Variants in DLGAP1 observed in about 807,000 individuals in gnomAD.
DLGAP1 encodes DLG associated protein 1.
Under a neutral mutation model 90.8 loss-of-function variants are expected in DLGAP1, and 11 were observed. The ratio of observed to expected loss-of-function variants is 0.12; its 90% CI spans 0.08 to 0.20. The LOEUF (loss-of-function observed/expected upper bound fraction) is 0.20, where lower values mean the gene tolerates loss of function less well. Ranked by LOEUF, DLGAP1 falls within the 10% of genes least tolerant of loss-of-function variation. The pLI is 1.00. For synonymous variants in DLGAP1, 558 were observed against 540.7 expected (o/e 1.03, Z -0.44); for missense variants, 1,050 against 1,333.8 (o/e 0.79, Z 3.31).
chr18:4,098,658 A>G (rs1467429274), intron 2 of DLGAP1, among the ~76,000 whole-genome samples: 2 of 152,226 alleles, frequency 1.3e-5, no homozygotes, highest in Non-Finnish European at 2.9e-5. Context: ...AAATATGGAA[A>G]AAAGGAGGAA....
chr18:4,119,859 C>T (rs965294916), intron 2 of DLGAP1, among the ~76,000 whole-genome samples: 1 of 152,044 alleles, frequency 6.6e-6, no homozygotes, highest in African/African-American at 2.4e-5. Flanking sequence ...AATGAGACAT[C>T]ATTTGGATAC....
chr18:3,576,373 C>T (rs1438719895), intron 8 of DLGAP1, among the ~76,000 whole-genome samples: 1 of 151,038 alleles, frequency 6.6e-6, no homozygotes, highest in African/African-American at 2.4e-5. Flanking sequence ...AATTCTCTGT[C>T]TCAGCCTCCC....
At chr18:4,104,703 C>G (rs1383163317) in intron 2 of DLGAP1, among the ~76,000 whole-genome samples, 1 of 152,148 alleles carries the variant, frequency 6.6e-6, no homozygotes, top group Non-Finnish European at 1.5e-5. Flanking sequence ...GTATACATCT[C>G]TTCTCTGTCT....
chr18:3,925,553 A>G (rs2072363704), intron 3 of DLGAP1, among the ~76,000 whole-genome samples: 1 of 152,174 alleles, frequency 6.6e-6, no homozygotes, highest in African/African-American at 2.4e-5. Flanking sequence ...GAAAATGTGT[A>G]TAAAAAAATT....
chr18:3,584,546 A>G (rs1194607258), intron 7 of DLGAP1, among the ~76,000 whole-genome samples: 1 of 152,152 alleles, frequency 6.6e-6, no homozygotes, highest in East Asian at 1.9e-4. Flanking sequence ...TGGAGACAAT[A>G]ATGTTTGGCT....
chr18:4,277,862 G>T (rs945818397), intron 1 of DLGAP1, among the ~76,000 whole-genome samples: 1 of 152,008 alleles, frequency 6.6e-6, no homozygotes, highest in Non-Finnish European at 1.5e-5. Context: ...TATTCTTCAT[G>T]GAATTTCAGC....
At chr18:3,889,246 C>T (rs957715589) in intron 3 of DLGAP1, among the ~76,000 whole-genome samples, 1 of 152,068 alleles carries the variant, frequency 6.6e-6, no homozygotes, top group African/African-American at 2.4e-5. Context: ...AAAACAATGA[C>T]AATCAAAACA....
At chr18:3,981,603 A>G (rs981895158) in intron 3 of DLGAP1, among the ~76,000 whole-genome samples, 1 of 152,220 alleles carries the variant, frequency 6.6e-6, no homozygotes, top group Admixed American at 6.5e-5. Flanking sequence ...AACTAAGAAC[A>G]GGGCACTGGG....
intron 2 of DLGAP1, among the ~76,000 whole-genome samples, chr18:4,055,772 C>T (rs1185450408): frequency 2.0e-5 from 3 of 152,036 alleles, no homozygotes; most frequent in Admixed American, 6.6e-5. Flanking sequence ...TGTGGGCCAC[C>T]CCCATGTCCC....
chr18:3,779,929 C>T (rs991890671), intron 5 of DLGAP1, among the ~76,000 whole-genome samples: 9 of 151,710 alleles, frequency 5.9e-5, no homozygotes, highest in Admixed American at 3.3e-4. Context: ...AGCTGGGAGG[C>T]GCACGCCACC....
chr18:3,567,379 C>T, intron 9 of DLGAP1, 111 bp downstream of exon 9: 2 of 943,894 alleles, frequency 2.1e-6, no homozygotes, highest in Non-Finnish European at 3.3e-6. Context: ...TAAATACTCC[C>T]AAAACTTAGA....
At chr18:3,685,851 T>C (rs1265581998) in intron 7 of DLGAP1, among the ~76,000 whole-genome samples, 1 of 152,150 alleles carries the variant, frequency 6.6e-6, no homozygotes, top group Non-Finnish European at 1.5e-5. Context: ...CGTGCCATCA[T>C]ATAATGATAC....
chr18:4,267,739 G>T (rs747157627), intron 1 of DLGAP1, among the ~76,000 whole-genome samples: 4 of 152,158 alleles, frequency 2.6e-5, no homozygotes, highest in Admixed American at 6.5e-5. Context: ...AGCTGGGGCT[G>T]CAGTCATCTG....
chr18:3,764,387 G>A (rs771963407), intron 5 of DLGAP1, among the ~76,000 whole-genome samples: 18 of 152,248 alleles, frequency 1.2e-4, no homozygotes, highest in South Asian at 4.1e-4. Context: ...GGCTCAGTCC[G>A]TTAACCAAAA....
chr18:4,118,408 C>A (rs7237768), intron 2 of DLGAP1, among the ~76,000 whole-genome samples: 13 of 152,052 alleles, frequency 8.5e-5, no homozygotes, highest in Non-Finnish European at 1.6e-4. Context: ...CTTGCCTTTC[C>A]TTGTATGGAG....
At chr18:3,820,265 A>G (rs2067335915) in intron 4 of DLGAP1, among the ~76,000 whole-genome samples, 2 of 152,326 alleles carry the variant, frequency 1.3e-5, no homozygotes, top group South Asian at 4.1e-4. Flanking sequence ...AATGAAGCAT[A>G]TGTCCTGAAA....
chr18:3,896,419 T>G (rs935528365), intron 3 of DLGAP1: 3 of 152,220 alleles, frequency 2.0e-5, no homozygotes, highest in Non-Finnish European at 4.4e-5. Flanking sequence ...AAGATGAATA[T>G]ACAAAAAGGA....
At chr18:3,543,057 T>C (rs959348810) in intron 9 of DLGAP1, among the ~76,000 whole-genome samples, 3 of 152,124 alleles carry the variant, frequency 2.0e-5, no homozygotes, top group Non-Finnish European at 4.4e-5. Context: ...CACCAAAAAA[T>C]GTTATTGTTG....
chr18:4,279,423 G>C (rs1948694159), intron 1 of DLGAP1, among the ~76,000 whole-genome samples: 1 of 152,178 alleles, frequency 6.6e-6, no homozygotes, highest in Admixed American at 6.5e-5. Context: ...AGGATTGTGA[G>C]TATTTAGGTT....
Sources: allele counts gnomAD v4.1 joint callset (sites outside exome capture counted in the v4.1 genomes callset), GRCh38; gene constraint gnomAD v4.1.1; transcripts MANE v1.5; gene names NCBI Gene and HGNC (gene_info 2026-07-23, HGNC 2026-07-21).